PHF24: variants seen among roughly 807,000 people sequenced by gnomAD.
The protein encoded by PHF24 is PHD finger protein 24.
A neutral mutation model predicts 42.6 loss-of-function variants in PHF24; 25 were observed. The ratio of observed to expected loss-of-function variants is 0.59; its 90% CI spans 0.43 to 0.82. The LOEUF (loss-of-function observed/expected upper bound fraction) is 0.82, where lower values mean the gene tolerates loss of function less well. Among genes scored for constraint, PHF24 ranks in the 40% least tolerant of loss-of-function variants. PHF24 has a pLI of 0.00. For missense variants in PHF24, 470 were observed against 538.1 expected, an observed-to-expected ratio of 0.87 and a Z score of 1.25; for synonymous variants, 185 against 204.8, an observed-to-expected ratio of 0.90 and a Z score of 0.83.
At chr9:34,837,695 T>C in the PHF24 span, 1 of 1,517,120 alleles carries the variant, frequency 6.6e-7, no homozygotes, top group African/African-American at 1.4e-5. Context: ...GACTTTTTGG[T>C]GACGCTTAAA....
At chr9:34,864,531 G>C in the PHF24 span, among the ~76,000 whole-genome samples, 2 of 152,032 alleles carry the variant, frequency 1.3e-5, no homozygotes, top group African/African-American at 4.8e-5. Context: ...TTTTACCCTA[G>C]AATAGAATAG....
At chr9:34,740,292 G>A in the PHF24 span, among the ~76,000 whole-genome samples, 6 of 152,224 alleles carry the variant, frequency 3.9e-5, no homozygotes, top group South Asian at 2.1e-4. Flanking sequence ...AGGGGGCGGC[G>A]CTAGTCAGGG....
the PHF24 span, among the ~76,000 whole-genome samples, chr9:34,809,027 TA>T: frequency 7.9e-6 from 1 of 126,262 alleles, no homozygotes; most frequent in Middle Eastern, 3.3e-3. This position sits in a 1 kb window ranked among gnomAD's most constrained non-coding sequence, Gnocchi z 4.1. Context: ...CCCTAAAACT[TA>T]AAGTATAATA....
the PHF24 span, among the ~76,000 whole-genome samples, chr9:34,772,551 T>G: frequency 2.0e-5 from 3 of 152,184 alleles, no homozygotes; most frequent in African/African-American, 7.2e-5. Context: ...ATAAAAATGA[T>G]TTAAAAATGA....
the PHF24 span, among the ~76,000 whole-genome samples, chr9:34,707,186 C>G: frequency 6.6e-6 from 1 of 152,068 alleles, no homozygotes; most frequent in South Asian, 2.1e-4. Context: ...CTGGGGAGGT[C>G]AAGTCCAAGC....
At chr9:34,845,248 C>G in the PHF24 span, among the ~76,000 whole-genome samples, 1 of 152,154 alleles carries the variant, frequency 6.6e-6, no homozygotes, top group Non-Finnish European at 1.5e-5. Flanking sequence ...AGGCAGCATA[C>G]AGTTGGGTCT....
At chr9:34,937,557 T>C in the PHF24 span, among the ~76,000 whole-genome samples, 17 of 152,008 alleles carry the variant, frequency 1.1e-4, no homozygotes, top group African/African-American at 4.1e-4. Flanking sequence ...AGACCTTTGT[T>C]CACTTGTTTA....
the PHF24 span, among the ~76,000 whole-genome samples, chr9:34,790,109 A>G: frequency 3.9e-5 from 6 of 152,306 alleles, no homozygotes; most frequent in East Asian, 7.7e-4. Context: ...CACCTCCCAA[A>G]GCACTGGAAT....
At chr9:34,855,540 G>A in the PHF24 span, among the ~76,000 whole-genome samples, 1 of 152,152 alleles carries the variant, frequency 6.6e-6, no homozygotes, top group Non-Finnish European at 1.5e-5. Flanking sequence ...ATGAAGCTTA[G>A]TTTGGCTGGA....
the PHF24 span, among the ~76,000 whole-genome samples, chr9:34,708,127 G>A: frequency 6.6e-6 from 1 of 152,148 alleles, no homozygotes; most frequent in African/African-American, 2.4e-5. Flanking sequence ...CCCGCCTGGA[G>A]GTGATTTGGG....
chr9:34,709,644 G>A, the PHF24 span: 1 of 1,614,056 alleles, frequency 6.2e-7, no homozygotes, highest in African/African-American at 1.3e-5. Context: ...CTTTGGGTCT[G>A]CACATAGCTC....
the PHF24 span, among the ~76,000 whole-genome samples, chr9:34,863,335 G>A: frequency 2.0e-5 from 3 of 152,172 alleles, no homozygotes; most frequent in South Asian, 6.2e-4. Context: ...CCAGTGCCGT[G>A]GTGGCTTCAT....
At chr9:34,694,790 G>C in the PHF24 span, among the ~76,000 whole-genome samples, 2 of 152,172 alleles carry the variant, frequency 1.3e-5, no homozygotes, top group Non-Finnish European at 2.9e-5. Flanking sequence ...TCAAGCCTTT[G>C]TATGATAATG....
chr9:34,829,146 T>TG, the PHF24 span, among the ~76,000 whole-genome samples: 3 of 152,156 alleles, frequency 2.0e-5, no homozygotes, highest in Non-Finnish European at 4.4e-5. Context: ...GATTTACTGA[T>TG]GGAACGGATG....
chr9:34,931,173 C>G, the PHF24 span, among the ~76,000 whole-genome samples: 1 of 151,846 alleles, frequency 6.6e-6, no homozygotes, highest in African/African-American at 2.4e-5. Context: ...TCAGGAGATC[C>G]GGACCATCCT....
At chr9:34,848,965 A>G in the PHF24 span, among the ~76,000 whole-genome samples, 4 of 152,064 alleles carry the variant, frequency 2.6e-5, no homozygotes, top group Non-Finnish European at 4.4e-5. Context: ...GGTCTGAGAG[A>G]CAGTTTGTTA....
chr9:34,919,728 C>T, the PHF24 span, among the ~76,000 whole-genome samples: 3 of 81,554 alleles, frequency 3.7e-5, no homozygotes, highest in Non-Finnish European at 8.9e-5. Flanking sequence ...CCCTGGTAAC[C>T]ATCATTCTAC....
chr9:34,819,067 T>C, the PHF24 span, among the ~76,000 whole-genome samples: 1 of 152,154 alleles, frequency 6.6e-6, no homozygotes, highest in Non-Finnish European at 1.5e-5. Context: ...ATTTAATCTG[T>C]TAAATTTGTT....
At chr9:34,670,490 G>A in the PHF24 span, among the ~76,000 whole-genome samples, 3 of 152,136 alleles carry the variant, frequency 2.0e-5, no homozygotes, top group Non-Finnish European at 2.9e-5. Flanking sequence ...GCTCCCCATC[G>A]CCTCTCTCTC....
Sources: allele counts gnomAD v4.1 joint callset (sites outside exome capture counted in the v4.1 genomes callset), GRCh38; gene constraint gnomAD v4.1.1; non-coding constraint Gnocchi (gnomAD v3.1); transcripts MANE v1.5; gene names NCBI Gene and HGNC (gene_info 2026-07-23, HGNC 2026-07-21).